ADGRV1: variants seen among roughly 807,000 people sequenced by gnomAD.
The protein encoded by ADGRV1 is adhesion G protein-coupled receptor V1.
Under a neutral mutation model 596.2 loss-of-function variants are expected in ADGRV1, and 359 were observed. That is an observed-to-expected ratio of 0.60 (90% CI 0.55 to 0.66). The LOEUF (loss-of-function observed/expected upper bound fraction) is 0.66. ADGRV1 is among the 30% of genes least tolerant of loss of function. The pLI, the probability that ADGRV1 is intolerant of heterozygous loss-of-function variation, is 0.00. For missense variants in ADGRV1, 7,274 were observed against 7,575.6 expected, an observed-to-expected ratio of 0.96 and a Z score of 1.48; for synonymous variants, 2,681 against 2,679.2, an observed-to-expected ratio of 1.00 and a Z score of -0.02.
At chr5:90,574,379 G>GC (rs1206026044) in intron 1 of ADGRV1, among the ~76,000 whole-genome samples, 1 of 151,966 alleles carries the variant, frequency 6.6e-6, no homozygotes, top group Non-Finnish European at 1.5e-5. Context: ...TCCTTGGTTA[G>GC]CTGTATTCTT....
At chr5:90,682,553 T>G (rs1745085978) in intron 27 of ADGRV1, among the ~76,000 whole-genome samples, 1 of 152,244 alleles carries the variant, frequency 6.6e-6, no homozygotes, top group Non-Finnish European at 1.5e-5. Flanking sequence ...AGGAGCTAGC[T>G]GCTTGCTCAG....
chr5:90,622,343 A>G (rs1485105433), intron 4 of ADGRV1, among the ~76,000 whole-genome samples: 1 of 152,232 alleles, frequency 6.6e-6, no homozygotes, highest in African/African-American at 2.4e-5. Context: ...CAGAACAGCT[A>G]GTTGATGGTA....
intron 87 of ADGRV1, among the ~76,000 whole-genome samples, chr5:91,118,425 A>G (rs1250532534): frequency 6.6e-6 from 1 of 152,148 alleles, no homozygotes; most frequent in African/African-American, 2.4e-5. Context: ...AACCACTGCA[A>G]TTATTGAATT....
intron 14 of ADGRV1, among the ~76,000 whole-genome samples, chr5:90,644,252 A>C (rs568122392): frequency 1.3e-5 from 2 of 152,324 alleles, no homozygotes; most frequent in South Asian, 4.1e-4. Context: ...GAGTCCATCC[A>C]AATAGCGAGA....
Position 90,647,857 on chromosome 5 carries a change from G to A in ADGRV1, c.3289+93G>A, listed in dbSNP as rs965636261. The stretch of plus-strand genomic sequence containing the variant: ...CAGTCCAATAATGAGGACAAGTAGG[G>A]CCTAACTACATTTGTACTATTCAAG... On this transcript the variant is annotated intron_variant, in intron 17 of 89. Coordinates refer to ENST00000405460, the MANE Select transcript of ADGRV1 (RefSeq NM_032119.4). 2.8e-6 allele frequency: 3 copies of A among 1,080,014 alleles called. No homozygotes were observed. In the African/African-American group the frequency reaches 4.8e-5, roughly 17 times the overall value. 66.9% of individuals were successfully genotyped at this position (1,080,014 alleles called of 1,614,324 possible). A position where few individuals can be genotyped will look rare whatever the true frequency, so the allele number is the denominator to read the frequency against.
At position 91,163,932 on chromosome 5, in the gene ADGRV1, T is replaced by C; in HGVS notation, c.*32T>C. ...ACTAACCATTCGACTGAGCACACTTTCATATTTGTATCAGCTTTTGTGCTA... is the reference window on the plus strand; with the variant it reads ...ACTAACCATTCGACTGAGCACACTTCCATATTTGTATCAGCTTTTGTGCTA... On this transcript the variant is annotated 3_prime_UTR_variant, in exon 90 of 90. Coordinates refer to ENST00000405460, the MANE Select transcript of ADGRV1 (RefSeq NM_032119.4). 1 of 1,016,892 alleles carries C rather than the reference T, an allele frequency of 9.8e-7. No individual in the cohort carries two copies. Among genetic ancestry groups the C allele is most frequent in the Non-Finnish European group, 1.5e-6 (1 of 649,468 alleles). 63.0% of individuals were successfully genotyped at this position (1,016,892 alleles called of 1,614,324 possible). A position where few individuals can be genotyped will look rare whatever the true frequency, so the allele number is the denominator to read the frequency against.
chr5:90,993,074 G>A (rs1781099798), intron 85 of ADGRV1, among the ~76,000 whole-genome samples: 1 of 150,190 alleles, frequency 6.7e-6, no homozygotes, highest in Admixed American at 6.6e-5. Flanking sequence ...GAAATCCAAT[G>A]CACTATGTCC....
chr5:90,941,342 T>G (rs1431330585), intron 83 of ADGRV1, among the ~76,000 whole-genome samples: 1 of 152,164 alleles, frequency 6.6e-6, no homozygotes, highest in Non-Finnish European at 1.5e-5. Flanking sequence ...TTGATTAACA[T>G]TATATGATCA....
At chr5:90,853,640 T>C in intron 80 of ADGRV1, 107 bp downstream of exon 80, 1 of 973,182 alleles carries the variant, frequency 1.0e-6, no homozygotes, top group Non-Finnish European at 1.5e-6. Flanking sequence ...GTGCTACACA[T>C]GGTGAACTAC....
intron 11 of ADGRV1, among the ~76,000 whole-genome samples, chr5:90,639,119 G>C (rs112343405): frequency 6.7e-6 from 1 of 149,110 alleles, no homozygotes; most frequent in Non-Finnish European, 1.5e-5. Flanking sequence ...CACACACACA[G>C]AGTCTAGATG....
At chr5:90,777,873 T>G in intron 61 of ADGRV1, 32 bp from the exon 62 acceptor site, 1 of 1,509,888 alleles carries the variant, frequency 6.6e-7, no homozygotes, top group Admixed American at 2.0e-5. Context: ...TCAACTGAAA[T>G]GTATTGGATA....
chr5:91,004,757 G>A (rs376496843), intron 85 of ADGRV1, among the ~76,000 whole-genome samples: 1 of 152,176 alleles, frequency 6.6e-6, no homozygotes, highest in African/African-American at 2.4e-5. Context: ...TGGGGCTTCA[G>A]GGGGAGAATG....
At chr5:91,041,804 C>T (rs146824797) in intron 85 of ADGRV1, among the ~76,000 whole-genome samples, 1 of 152,224 alleles carries the variant, frequency 6.6e-6, no homozygotes, top group African/African-American at 2.4e-5. Context: ...TCAATATAAT[C>T]TCTACCTTCA....
intron 87 of ADGRV1, among the ~76,000 whole-genome samples, chr5:91,117,536 G>A (rs574463013): frequency 0.01 from 1,582 of 152,208 alleles, 9 homozygotes; most frequent in Non-Finnish European, 0.017. Flanking sequence ...AGACTTTTAG[G>A]CAAGGTCACA....
At position 90,681,433 on chromosome 5, in the gene ADGRV1, GTA is replaced by G. The variant is rs1387485777; in HGVS notation, c.5646_5647del (p.Tyr1882Ter). 6.2e-7 allele frequency: 1 copy of G among 1,611,978 alleles called. No homozygotes were observed. Among genetic ancestry groups the G allele is most frequent in the Non-Finnish European group, 8.5e-7 (1 of 1,179,266 alleles). ...TCAGTGGAACTGAACCAGAAGATGG[GTA>G]TAGCACTGTTACATTAAATGTGAGT... is the stretch of plus-strand genomic sequence containing the variant. ...FVSGTEPEDG[Y>X]STVTLNVIRH... On this transcript the variant is annotated frameshift_variant, in exon 27 of 90. Coordinates refer to ENST00000405460, the MANE Select transcript of ADGRV1 (RefSeq NM_032119.4). LOFTEE classifies it high-confidence loss of function.
chr5:91,031,143 G>A (rs1017676935), intron 85 of ADGRV1: 111 of 1,347,572 alleles, frequency 8.2e-5, no homozygotes, highest in Non-Finnish European at 8.1e-5. Flanking sequence ...ACATCTGTAA[G>A]TAAGGTATTA....
intron 86 of ADGRV1, among the ~76,000 whole-genome samples, chr5:91,099,379 C>G (rs559217527): frequency 6.6e-6 from 1 of 152,170 alleles, no homozygotes; most frequent in East Asian, 1.9e-4. Flanking sequence ...ATTCCATCTA[C>G]AGCCACCAGG....
intron 67 of ADGRV1, among the ~76,000 whole-genome samples, chr5:90,786,884 G>A (rs182466266): frequency 4.2e-4 from 64 of 152,170 alleles, no homozygotes; most frequent in African/African-American, 1.5e-3. Context: ...AGGGCAGCAT[G>A]CGACTGTGTG....
intron 83 of ADGRV1, among the ~76,000 whole-genome samples, chr5:90,887,273 T>A (rs567708268): frequency 6.6e-6 from 1 of 152,146 alleles, no homozygotes; most frequent in African/African-American, 2.4e-5. Context: ...TCACTGATCC[T>A]TGGCTGTTTG....
Sources: allele counts gnomAD v4.1 joint callset (sites outside exome capture counted in the v4.1 genomes callset), GRCh38; gene constraint gnomAD v4.1.1; transcripts MANE v1.5; gene names NCBI Gene and HGNC (gene_info 2026-07-23, HGNC 2026-07-21).